The following CNTNAP2 variants were observed in gnomAD, a reference collection of about 807,000 sequenced individuals.
CNTNAP2 encodes contactin associated protein 2, also known as contactin-associated protein-like 2.
CNTNAP2 carries 98 observed loss-of-function variants against 155.2 expected under a neutral mutation model. The ratio of observed to expected loss-of-function variants is 0.63; its 90% CI spans 0.54 to 0.75. The LOEUF is 0.75. Among genes scored for constraint, CNTNAP2 ranks in the 30% least tolerant of loss-of-function variants. The pLI is 0.00. For synonymous variants in CNTNAP2, 651 were observed against 631.2 expected (o/e 1.03, Z -0.47); for missense variants, 1,727 against 1,688.1 (o/e 1.02, Z -0.40).
chr7:148,263,468 G>T (rs974638169), intron 20 of CNTNAP2, among the ~76,000 whole-genome samples: 4 of 152,094 alleles, frequency 2.6e-5, no homozygotes, highest in Non-Finnish European at 5.9e-5. Context: ...GCCGGGTGCG[G>T]TGGCTCACGC....
At chr7:146,371,341 G>T (rs1795230899) in intron 1 of CNTNAP2, among the ~76,000 whole-genome samples, 2 of 144,302 alleles carry the variant, frequency 1.4e-5, no homozygotes, top group African/African-American at 2.6e-5. Context: ...AAGTTATTTT[G>T]CAATATAATA....
At chr7:147,697,712 C>T (rs537798008) in intron 13 of CNTNAP2, among the ~76,000 whole-genome samples, 1 of 152,264 alleles carries the variant, frequency 6.6e-6, no homozygotes, top group African/African-American at 2.4e-5. Context: ...TGCATTTCCC[C>T]TCCCCTAGGT....
At chr7:147,283,187 C>T (rs1156298259) in intron 8 of CNTNAP2, among the ~76,000 whole-genome samples, 1 of 151,772 alleles carries the variant, frequency 6.6e-6, no homozygotes, top group Admixed American at 6.6e-5. Context: ...ATAACAGTGA[C>T]TCCAATATTT....
chr7:146,656,695 G>A (rs970175440), intron 1 of CNTNAP2, among the ~76,000 whole-genome samples: 1 of 152,160 alleles, frequency 6.6e-6, no homozygotes, highest in African/African-American at 2.4e-5. Context: ...GATCTCTTCT[G>A]TGAATTGATG....
At chr7:146,560,377 A>T (rs931079571) in intron 1 of CNTNAP2, among the ~76,000 whole-genome samples, 1 of 151,980 alleles carries the variant, frequency 6.6e-6, no homozygotes, top group African/African-American at 2.4e-5. Flanking sequence ...ATACATATAT[A>T]TGTGTGTATA....
intron 14 of CNTNAP2, among the ~76,000 whole-genome samples, chr7:147,910,268 C>G (rs1423323008): frequency 1.3e-5 from 2 of 152,124 alleles, no homozygotes; most frequent in Admixed American, 6.5e-5. Context: ...TATATGCATT[C>G]TCATTCGTCA....
intron 12 of CNTNAP2, among the ~76,000 whole-genome samples, chr7:147,633,063 GC>G (rs1795115186): frequency 6.6e-6 from 1 of 152,246 alleles, no homozygotes; most frequent in African/African-American, 2.4e-5. Context: ...TGCACAAGCA[GC>G]CCATCCCATC....
rs1191956788 is a variant in CNTNAP2 at position 148,301,292 on chromosome 7, T to TA, written c.3475+34181dup. Among the ~76,000 whole-genome samples, 951 of 118,748 alleles carry TA rather than the reference T, an allele frequency of 8.0e-3. 20 individuals are homozygous for TA. The highest frequency in any genetic ancestry group is 8.8e-3 in the South Asian group (33 of 3,744). The allele number at this position is 118,748 out of a possible 152,430, so 77.9% of individuals were successfully genotyped here. ...CTGGGTGACAAGGCGAGACTCCGTC[T>TA]AAAAAAAAAAAAAAATATATATATA... is the stretch of plus-strand genomic sequence containing the variant. On this transcript the variant is annotated intron_variant, in intron 21 of 23. Transcript: ENST00000361727.
intron 13 of CNTNAP2, among the ~76,000 whole-genome samples, chr7:147,856,377 C>T (rs747355571): frequency 2.0e-5 from 3 of 152,158 alleles, no homozygotes; most frequent in African/African-American, 4.8e-5. Context: ...TCTCACTAAT[C>T]GCCCTTCTCA....
chr7:146,716,744 T>C (rs1187442300), intron 1 of CNTNAP2, among the ~76,000 whole-genome samples: 2 of 152,208 alleles, frequency 1.3e-5, no homozygotes, highest in African/African-American at 2.4e-5. Flanking sequence ...GTGGTTATTA[T>C]GATCAAAGGA....
intron 17 of CNTNAP2, among the ~76,000 whole-genome samples, chr7:148,164,258 C>T (rs1025505975): frequency 6.6e-5 from 10 of 152,010 alleles, no homozygotes; most frequent in African/African-American, 9.7e-5. Flanking sequence ...TTTTTTTTAA[C>T]GGGTTCAAGT....
intron 1 of CNTNAP2, among the ~76,000 whole-genome samples, chr7:146,559,850 A>G (rs554223737): frequency 0.015 from 701 of 47,936 alleles, 5 homozygotes; most frequent in African/African-American, 0.062. Context: ...TAAATTACAT[A>G]CAAAAAAAAT....
chr7:147,460,593 G>A (rs1431540444), intron 10 of CNTNAP2, among the ~76,000 whole-genome samples: 2 of 152,074 alleles, frequency 1.3e-5, no homozygotes, highest in Admixed American at 1.3e-4. Flanking sequence ...TTTTAAATTG[G>A]GCTTTGAATG....
At chr7:147,041,006 C>T (rs1169725895) in intron 3 of CNTNAP2, among the ~76,000 whole-genome samples, 2 of 151,864 alleles carry the variant, frequency 1.3e-5, no homozygotes, top group African/African-American at 4.8e-5. Flanking sequence ...ATTTATTGCC[C>T]CTACCACCAC....
chr7:147,334,356 T>C (rs1413382379), intron 9 of CNTNAP2, among the ~76,000 whole-genome samples: 1 of 152,202 alleles, frequency 6.6e-6, no homozygotes, highest in Non-Finnish European at 1.5e-5. Flanking sequence ...ACTTAGTGGG[T>C]GAAATTATTG....
chr7:146,977,750 A>G (rs954667311), intron 3 of CNTNAP2, among the ~76,000 whole-genome samples: 1 of 152,226 alleles, frequency 6.6e-6, no homozygotes, highest in Non-Finnish European at 1.5e-5. Context: ...TTGGTGAGCA[A>G]CTGAAAACTG....
At chr7:146,908,105 C>T (rs960887726) in intron 3 of CNTNAP2, among the ~76,000 whole-genome samples, 3 of 152,094 alleles carry the variant, frequency 2.0e-5, no homozygotes, top group Admixed American at 6.5e-5. Context: ...AGCTAACTAT[C>T]CTAAATATAT....
chr7:147,670,038 A>G (rs964220525), intron 13 of CNTNAP2, among the ~76,000 whole-genome samples: 7 of 151,968 alleles, frequency 4.6e-5, no homozygotes, highest in African/African-American at 1.7e-4. Context: ...CTCATATTCT[A>G]TTTTCTTTCA....
At chr7:147,270,291 C>T (rs1318618364) in intron 8 of CNTNAP2, among the ~76,000 whole-genome samples, 1 of 152,106 alleles carries the variant, frequency 6.6e-6, no homozygotes, top group Non-Finnish European at 1.5e-5. Flanking sequence ...TTGTGAAATA[C>T]TCAGTATGTA....
Sources: allele counts gnomAD v4.1 joint callset (sites outside exome capture counted in the v4.1 genomes callset), GRCh38; gene constraint gnomAD v4.1.1; transcripts MANE v1.5; gene names NCBI Gene and HGNC (gene_info 2026-07-23, HGNC 2026-07-21).